Variants in WNK1 observed in about 807,000 individuals in gnomAD.
The protein encoded by WNK1 is serine/threonine-protein kinase WNK1.
A neutral mutation model predicts 222.8 loss-of-function variants in WNK1; 38 were observed. The observed-to-expected ratio is 0.17, with a 90% CI of 0.13 to 0.22. The LOEUF (loss-of-function observed/expected upper bound fraction) is 0.22, where lower values mean the gene tolerates loss of function less well. Among genes scored for constraint, WNK1 ranks in the 10% least tolerant of loss-of-function variants. The pLI is 1.00. For missense variants in WNK1, 2,348 were observed against 2,918.4 expected, an observed-to-expected ratio of 0.80 and a Z score of 4.50; for synonymous variants, 1,090 against 1,092.9, an observed-to-expected ratio of 1.00 and a Z score of 0.05.
intron 1 of WNK1, among the ~76,000 whole-genome samples, chr12:806,430 G>A (rs1946373243): frequency 6.6e-6 from 1 of 152,136 alleles, no homozygotes; most frequent in South Asian, 2.1e-4. Flanking sequence ...CTGGGGCCAG[G>A]GTCCTAGAAT....
At chr12:896,886 C>CCACACACACACACACACA (rs34202153) in intron 24 of WNK1, among the ~76,000 whole-genome samples, 154 bp downstream of exon 24, 8 of 134,538 alleles carry the variant, frequency 5.9e-5, no homozygotes, top group African/African-American at 2.4e-4. Flanking sequence ...TACCTCCCCA[C>CCACACACACACACACACA]CACACACACA....
At chr12:851,228 A>G (rs1950398684) in intron 4 of WNK1, among the ~76,000 whole-genome samples, 1 of 152,164 alleles carries the variant, frequency 6.6e-6, no homozygotes, top group Non-Finnish European at 1.5e-5. Flanking sequence ...TTGTTCATTG[A>G]ACTCAATCCC....
chr12:808,144 A>AACCCTG (rs1460325310), intron 1 of WNK1, among the ~76,000 whole-genome samples: 1 of 152,166 alleles, frequency 6.6e-6, no homozygotes, highest in Admixed American at 6.5e-5. Context: ...GTTTGAGTTT[A>AACCCTG]ACCCTGTTAG....
At chr12:789,550 T>C (rs2153978769) in intron 1 of WNK1, among the ~76,000 whole-genome samples, 1 of 149,022 alleles carries the variant, frequency 6.7e-6, no homozygotes, top group East Asian at 1.9e-4. Flanking sequence ...TTTTTTTTTT[T>C]TTTTGAGACA....
intron 1 of WNK1, among the ~76,000 whole-genome samples, chr12:768,240 A>G (rs972751372): frequency 2.0e-5 from 3 of 152,138 alleles, no homozygotes; most frequent in Non-Finnish European, 4.4e-5. Context: ...GGTTCAGGCA[A>G]TTATCGTTCC....
chr12:908,870 T>G lies in WNK1; in HGVS notation c.*78T>G. On this transcript the variant is annotated 3_prime_UTR_variant, in exon 28 of 28. Coordinates refer to ENST00000315939, the MANE Select transcript of WNK1 (RefSeq NM_018979.4). ...GGGTGGGTGGGGGTGGGAAGTAGCC[T>G]ATATACTAACTACTAGTGCTGCATT... 11 of 1,338,338 alleles carry G rather than the reference T, an allele frequency of 8.2e-6. No individual in the cohort carries two copies. In the South Asian group the frequency reaches 1.4e-4, roughly 16 times the overall value. The allele number at this position is 1,338,338 out of a possible 1,614,324, so 82.9% of individuals were successfully genotyped here.
At chr12:870,780 G>A (rs1019145096) in intron 8 of WNK1, among the ~76,000 whole-genome samples, 7 of 152,132 alleles carry the variant, frequency 4.6e-5, no homozygotes, top group South Asian at 2.1e-4. Flanking sequence ...AGCAATGATC[G>A]CCCTAGGTAC....
At position 911,261 on chromosome 12, in the gene WNK1, T is replaced by TAAC. The variant is rs1286600306; in HGVS notation, c.*2472_*2474dup. ...TTATAAATGTTTTCCTTACATTATT[T>TAAC]AACAATGTACACTGTTAAAAATAAA... On this transcript the variant is annotated 3_prime_UTR_variant, in exon 28 of 28. Transcript: ENST00000315939. The TAAC allele has an allele frequency of 4.5e-5, 18 of 398,504 alleles. 1 individual carries two copies. The East Asian group carries it at 6.4e-4, about 14-fold the overall frequency. 24.7% of individuals were successfully genotyped at this position (398,504 alleles called of 1,614,324 possible). A position where few individuals can be genotyped will look rare whatever the true frequency, so the allele number is the denominator to read the frequency against.
intron 3 of WNK1, among the ~76,000 whole-genome samples, chr12:829,641 G>A (rs1263430263): frequency 2.0e-5 from 3 of 152,052 alleles, no homozygotes; most frequent in Admixed American, 2.0e-4. Context: ...TTTGTTCCTT[G>A]CATAGTGTCT....
At chr12:814,288 C>CACT (rs1555105986) in intron 2 of WNK1, among the ~76,000 whole-genome samples, 1 of 149,000 alleles carries the variant, frequency 6.7e-6, no homozygotes, top group Non-Finnish European at 1.5e-5. Flanking sequence ...GAGATCACCT[C>CACT]ACTTCATTCC....
At position 908,512 on chromosome 12, in the gene WNK1, A is replaced by G. The variant is rs1955889438; in HGVS notation, c.6869A>G (p.Gln2290Arg). 6.2e-7 allele frequency: 1 copy of G among 1,614,046 alleles called. No individual in the cohort carries two copies. Among genetic ancestry groups the G allele is most frequent in the South Asian group, 1.1e-5 (1 of 91,084 alleles). Residue 2290 changes from glutamine (Q) to arginine (R), a missense_variant, in exon 28 of 28, where the codon CAA becomes CGA. This residue lies in a region of WNK1 where 55 missense variants were observed against 104.1 expected (regional missense o/e 0.53). Coordinates refer to ENST00000315939, the MANE Select transcript of WNK1 (RefSeq NM_018979.4). Reference protein sequence around the residue: ...GMARKFSAPGQLCISMTSNLG... With the variant: ...GMARKFSAPGRLCISMTSNLG... ...GCAAGGAAGTTCTCTGCACCTGGGC[A>G]ACTGTGCATCTCCATGACCTCGAAC...
chr12:817,290 C>T (rs971152362), intron 2 of WNK1, among the ~76,000 whole-genome samples: 4 of 151,888 alleles, frequency 2.6e-5, no homozygotes, highest in African/African-American at 4.8e-5. Context: ...GAGCCGAGAT[C>T]GTGCCTCTGC....
intron 1 of WNK1, among the ~76,000 whole-genome samples, chr12:778,620 C>T (rs907883830): frequency 6.6e-6 from 1 of 151,020 alleles, no homozygotes; most frequent in South Asian, 2.1e-4. Flanking sequence ...TGTGAGCCAC[C>T]GTGCCCGGCC....
chr12:902,298 A>G (rs756352538), intron 26 of WNK1, among the ~76,000 whole-genome samples: 6 of 152,130 alleles, frequency 3.9e-5, no homozygotes, highest in Admixed American at 6.6e-5. Flanking sequence ...GTGAGACTCT[A>G]TCTCAAAAAA....
rs1398247261 is a variant in WNK1 at position 827,406 on chromosome 12, G to T, written c.1153+144G>T. The T allele has an allele frequency of 1.4e-6, 1 of 704,074 alleles. No homozygotes were observed. The highest frequency in any genetic ancestry group is 2.5e-6 in the Non-Finnish European group (1 of 397,434). The allele number at this position is 704,074 out of a possible 1,614,324, so 43.6% of individuals were successfully genotyped here. On this transcript the variant is annotated intron_variant, in intron 3 of 27. Transcript: ENST00000315939. This position sits in a 1 kb window ranked among gnomAD's most constrained non-coding sequence, Gnocchi z 4.6. ...AGGAGGTGATCCATTGTACTTATGA[G>T]ATATAGGATTCTCTATATTTGTGCT...
intron 4 of WNK1, chr12:851,343 T>C: frequency 3.0e-6 from 3 of 995,796 alleles, no homozygotes; most frequent in Non-Finnish European, 3.6e-6. Flanking sequence ...AAGGTTTTGA[T>C]AGGTCCAGGA....
At chr12:765,114 G>A (rs1166075890) in intron 1 of WNK1, among the ~76,000 whole-genome samples, 2 of 148,236 alleles carry the variant, frequency 1.3e-5, no homozygotes, top group Non-Finnish European at 3.0e-5. Context: ...ACAGGTGTGA[G>A]CCACTGCGTC....
In WNK1 at chr12:908,861, G is replaced by GGGGGGGGGGGCCCC; in HGVS notation, c.*69_*70insGGGGGGGGGGCCCC. The GGGGGGGGGGGCCCC allele has an allele frequency of 1.8e-5, 9 of 491,842 alleles. No homozygotes were observed. Among genetic ancestry groups the GGGGGGGGGGGCCCC allele is most frequent in the East Asian group, 6.0e-5 (1 of 16,748 alleles). 30.5% of individuals were successfully genotyped at this position (491,842 alleles called of 1,614,324 possible). On this transcript the variant is annotated 3_prime_UTR_variant, in exon 28 of 28. Coordinates refer to ENST00000315939, the MANE Select transcript of WNK1 (RefSeq NM_018979.4). Reference sequence around the variant, plus strand: ...ATGCTGAGGGGGTGGGTGGGGGTGGGAAGTAGCCTATATACTAACTACTAG... The same window carrying GGGGGGGGGGGCCCC: ...ATGCTGAGGGGGTGGGTGGGGGTGGGGGGGGGGGGGCCCCAAGTAGCCTATATACTAACTACTAG...
chr12:827,428 T>C lies in WNK1; in HGVS notation c.1153+166T>C. 1.5e-6 allele frequency: 1 copy of C among 647,052 alleles called. No individual in the cohort carries two copies. The highest frequency in any genetic ancestry group is 1.9e-5 in the South Asian group (1 of 53,228). 40.1% of individuals were successfully genotyped at this position (647,052 alleles called of 1,614,324 possible). On this transcript the variant is annotated intron_variant, in intron 3 of 27. Transcript: ENST00000315939. This position sits in a 1 kb window ranked among gnomAD's most constrained non-coding sequence, Gnocchi z 4.6. ...TGAGATATAGGATTCTCTATATTTG[T>C]GCTTCTTGGAATCATCTTAGAGACT...
Sources: allele counts gnomAD v4.1 joint callset (sites outside exome capture counted in the v4.1 genomes callset), GRCh38; gene constraint gnomAD v4.1.1; regional missense constraint gnomAD v4.1.1; non-coding constraint Gnocchi (gnomAD v3.1); transcripts MANE v1.5; gene names NCBI Gene and HGNC (gene_info 2026-07-23, HGNC 2026-07-21).